Variants in NDUFV2 observed in about 807,000 individuals in gnomAD.
The protein encoded by NDUFV2 is NADH:ubiquinone oxidoreductase core subunit V2.
NDUFV2 carries 18 observed loss-of-function variants against 31.6 expected under a neutral mutation model. That is an observed-to-expected ratio of 0.57 (90% CI 0.39 to 0.84). The LOEUF is 0.84. Among genes scored for constraint, NDUFV2 ranks in the 40% least tolerant of loss-of-function variants. The pLI is 0.00. For missense variants in NDUFV2, 314 were observed against 303.6 expected (o/e 1.03, Z -0.26); for synonymous variants, 83 against 99.8 (o/e 0.83, Z 1.01).
At chr18:9,119,897 A>T (rs1371201972) in intron 4 of NDUFV2, among the ~76,000 whole-genome samples, 1 of 152,102 alleles carries the variant, frequency 6.6e-6, no homozygotes, top group East Asian at 1.9e-4. Flanking sequence ...TAGTGTCAAG[A>T]TATTCTGAAA....
intron 6 of NDUFV2, 47 bp from the exon 7 acceptor site, chr18:9,126,784 A>G: frequency 2.7e-6 from 4 of 1,491,728 alleles, no homozygotes; most frequent in South Asian, 1.1e-5. Flanking sequence ...ATATATCGAT[A>G]TAAAAGAAAG....
intron 1 of NDUFV2, chr18:9,103,729 C>G: frequency 6.4e-6 from 1 of 157,408 alleles, no homozygotes; most frequent in Middle Eastern, 3.1e-3. Context: ...TAATCTTCCT[C>G]AGTTTCTTCA....
chr18:9,134,152 A>C, intron 7 of NDUFV2, 34 bp from the exon 8 acceptor site: 1 of 1,520,430 alleles, frequency 6.6e-7, no homozygotes. Context: ...ACAAATGTTA[A>C]TCATTAATAG....
rs759858782 is a variant in NDUFV2, at chr18:9,124,934, T to C, written c.530T>C (p.Leu177Ser). 2.5e-6 allele frequency: 4 copies of C among 1,613,548 alleles called. No individual in the cohort carries two copies. The highest frequency in any genetic ancestry group is 3.3e-5 in the Admixed American group (2 of 59,982). ...TTCACTCTTATAGAAGTGGAATGTT[T>C]AGGGGCCTGTGTGAACGCACCAATG... ...KLFTLIEVEC[L>S]GACVNAPMVQ... Residue 177 changes from leucine to serine, a missense_variant, in exon 6 of 8, where the codon TTA becomes TCA. By Grantham distance (145) the Leu-to-Ser change is moderately radical (BLOSUM62 -2). Transcript: ENST00000318388.
chr18:9,130,267 C>T (rs1292954808), intron 7 of NDUFV2, among the ~76,000 whole-genome samples: 1 of 152,110 alleles, frequency 6.6e-6, no homozygotes, highest in East Asian at 1.9e-4. Context: ...TGTATTTTAA[C>T]AATAAGCAGG....
chr18:9,119,937 C>T (rs988190930), intron 4 of NDUFV2, among the ~76,000 whole-genome samples: 1 of 151,652 alleles, frequency 6.6e-6, no homozygotes, highest in East Asian at 1.9e-4. Flanking sequence ...ACTAGAATTA[C>T]AGAAAAGAAG....
At chr18:9,118,167 T>G (rs2077908605) in intron 2 of NDUFV2, among the ~76,000 whole-genome samples, 1 of 152,216 alleles carries the variant, frequency 6.6e-6, no homozygotes, top group Admixed American at 6.5e-5. Flanking sequence ...AACCTGATTC[T>G]CATCACACTT....
At chr18:9,132,432 G>C (rs1206300044) in intron 7 of NDUFV2, 1 of 152,156 alleles carries the variant, frequency 6.6e-6, no homozygotes, top group East Asian at 1.9e-4. Flanking sequence ...ATTCCATTCT[G>C]ATATTTGATC....
At chr18:9,125,165 A>G (rs1025607488) in intron 6 of NDUFV2, among the ~76,000 whole-genome samples, 182 bp downstream of exon 6, 6 of 152,212 alleles carry the variant, frequency 3.9e-5, no homozygotes, top group African/African-American at 1.4e-4. Flanking sequence ...TCAGAAGACA[A>G]ATTTTAAAAC....
Position 9,126,155 on chromosome 18 carries a change from C to A in NDUFV2, c.580-676C>A, listed in dbSNP as rs140559856. 5.0e-3 allele frequency among the ~76,000 whole-genome samples: 768 copies of A among 152,250 alleles called. 3 individuals are homozygous for A. The highest frequency in any genetic ancestry group is 0.01 in the Middle Eastern group (3 of 294). On this transcript the variant is annotated intron_variant, in intron 6 of 7. Transcript: ENST00000318388. ...GCATTGTTAAGTCTAAATATAGTAG[C>A]CTGTAGATGGGTTTGTTTGAGATAG...
intron 7 of NDUFV2, among the ~76,000 whole-genome samples, chr18:9,129,298 A>G (rs1366702502): frequency 1.3e-5 from 2 of 152,208 alleles, no homozygotes; most frequent in East Asian, 3.9e-4. Flanking sequence ...TCTATGGTTC[A>G]TATTAATCTA....
chr18:9,130,597 A>G (rs1343338920), intron 7 of NDUFV2, among the ~76,000 whole-genome samples: 6 of 152,218 alleles, frequency 3.9e-5, no homozygotes, highest in Non-Finnish European at 8.8e-5. Context: ...TACTTACCCA[A>G]TATCTTGGAT....
intron 1 of NDUFV2, among the ~76,000 whole-genome samples, chr18:9,113,789 C>T (rs1032782665): frequency 4.6e-5 from 7 of 152,174 alleles, no homozygotes; most frequent in South Asian, 2.1e-4. Flanking sequence ...CACGACCCTC[C>T]CAAACAGACC....
intron 1 of NDUFV2, 21 bp downstream of exon 1, chr18:9,102,818 C>G (rs1314080663): frequency 6.5e-7 from 1 of 1,546,046 alleles, no homozygotes; most frequent in African/African-American, 1.4e-5. Flanking sequence ...TCAAGCTGAG[C>G]CCGGCGCTGC....
At chr18:9,131,307 C>T (rs1159718906) in intron 7 of NDUFV2, among the ~76,000 whole-genome samples, 2 of 152,170 alleles carry the variant, frequency 1.3e-5, no homozygotes, top group Non-Finnish European at 2.9e-5. Flanking sequence ...TGAACCCATG[C>T]AGTTCAAACC....
chr18:9,130,748 T>C (rs2078033024), intron 7 of NDUFV2, among the ~76,000 whole-genome samples: 3 of 152,202 alleles, frequency 2.0e-5, no homozygotes, highest in Admixed American at 2.0e-4. Flanking sequence ...GTACTAATTG[T>C]GCGTCTCTGT....
chr18:9,134,230 TG>T lies in NDUFV2; in HGVS notation c.702del (p.Thr235LeufsTer19). The T allele has an allele frequency of 6.2e-7, 1 of 1,613,344 alleles. No individual in the cohort carries two copies. The highest frequency in any genetic ancestry group is 8.5e-7 in the Non-Finnish European group (1 of 1,179,924). On this transcript the variant is annotated frameshift_variant, in exon 8 of 8. Transcript: ENST00000318388. LOFTEE classifies it high-confidence loss of function. ...GAGCCAGCTGGAGGTCTTACCTCTT[TG>T]ACTGAACCACCCAAGGGACCTGGAT... ...SCEPAGGLTS[L>X]TEPPKGPGFG...
At chr18:9,104,385 T>C (rs1270468227) in intron 1 of NDUFV2, among the ~76,000 whole-genome samples, 4 of 152,106 alleles carry the variant, frequency 2.6e-5, no homozygotes, top group Non-Finnish European at 5.9e-5. Flanking sequence ...GATAGGTCAC[T>C]GGATAGGACT....
At chr18:9,124,812 T>C in intron 5 of NDUFV2, 62 bp from the exon 6 acceptor site, 1 of 1,477,908 alleles carries the variant, frequency 6.8e-7, no homozygotes, top group African/African-American at 1.4e-5. Context: ...TTTTTTTTTT[T>C]TTTAAACCAA....
Sources: gnomAD v4.1 joint callset for allele counts (sites outside exome capture counted in the v4.1 genomes callset) on GRCh38, gnomAD v4.1.1 for gene constraint, MANE v1.5 for transcripts, NCBI Gene and HGNC (gene_info 2026-07-23, HGNC 2026-07-21) for gene names.